SRBD1: variants seen among roughly 807,000 people sequenced by gnomAD.
SRBD1 encodes S1 RNA-binding domain-containing protein 1.
A neutral mutation model predicts 115.3 loss-of-function variants in SRBD1; 88 were observed. The observed-to-expected ratio is 0.76, with a 90% CI of 0.64 to 0.91. The LOEUF (loss-of-function observed/expected upper bound fraction) is 0.91, where lower values mean the gene tolerates loss of function less well. Among genes scored for constraint, SRBD1 ranks in the 40% least tolerant of loss-of-function variants. The probability of loss-of-function intolerance (pLI) is 0.00; values close to 1 mark genes in which losing one functional copy is unlikely to be tolerated. For missense variants in SRBD1, 1,385 were observed against 1,177.4 expected (o/e 1.18, Z -2.58); for synonymous variants, 509 against 407.7 (o/e 1.25, Z -2.99).
chr2:45,470,186 T>C (rs1341387742), intron 16 of SRBD1, among the ~76,000 whole-genome samples: 4 of 152,200 alleles, frequency 2.6e-5, no homozygotes, highest in Non-Finnish European at 5.9e-5. Flanking sequence ...AAAACTCCAT[T>C]TAATAATCTC....
At position 45,551,279 on chromosome 2, in the gene SRBD1, G is replaced by C. The variant is rs370589245; in HGVS notation, c.1521C>G (p.Ala507=). The change falls in exon 12 of 21, where the codon GCC becomes GCG. Residue 507 remains alanine (A), a synonymous_variant. Coordinates refer to ENST00000263736, the MANE Select transcript of SRBD1 (RefSeq NM_018079.5). The part of the protein sequence containing the change: ...IYPLLCREFR[A]KLTSDAEKES... ...CCTTCTCTGCATCTGATGTTAGTTT[G>C]GCTCTTTAGAAATAGAAGAAAAGAA... is the stretch of plus-strand genomic sequence containing the variant. The C allele has an allele frequency of 1.9e-6, 3 of 1,588,464 alleles. No homozygotes were observed. The highest frequency in any genetic ancestry group is 2.6e-6 in the Non-Finnish European group (3 of 1,174,292).
At chr2:45,605,827 C>T (rs573754889) in intron 1 of SRBD1, among the ~76,000 whole-genome samples, 2 of 151,342 alleles carry the variant, frequency 1.3e-5, no homozygotes, top group African/African-American at 4.9e-5. Flanking sequence ...TCACTTGAAC[C>T]CAGGAGGTGG....
At chr2:45,462,957 C>G (rs1234194716) in intron 16 of SRBD1, among the ~76,000 whole-genome samples, 1 of 147,996 alleles carries the variant, frequency 6.8e-6, no homozygotes, top group Non-Finnish European at 1.5e-5. Flanking sequence ...TCATTCTACA[C>G]GAATCCAGGA....
At chr2:45,393,392 G>T (rs953991148) in intron 19 of SRBD1, among the ~76,000 whole-genome samples, 3 of 152,040 alleles carry the variant, frequency 2.0e-5, no homozygotes, top group Non-Finnish European at 4.4e-5. Flanking sequence ...ACATTTTTTT[G>T]TTGTTGTTGA....
At position 45,579,994 on chromosome 2, in the gene SRBD1, C is replaced by G. The variant is rs767963749; in HGVS notation, c.953G>C (p.Gly318Ala). ...LEHVSAPYKT[G>A]SKGTKAQRAR... is the part of the protein sequence containing the mutation. ...TCTCTGGGCTTTAGTCCCTTTGCTTCCAGTTTTATATGGAGCAGACTAGAA... is the reference window on the plus strand; with the variant it reads ...TCTCTGGGCTTTAGTCCCTTTGCTTGCAGTTTTATATGGAGCAGACTAGAA... The change falls in exon 7 of 21, where the codon GGA becomes GCA. Residue 318 changes from glycine (G) to alanine (A), a missense_variant. Transcript: ENST00000263736. 1.4e-5 allele frequency: 23 copies of G among 1,587,364 alleles called. No homozygotes were observed. The Admixed American group carries it at 3.7e-4, about 26-fold the overall frequency.
At chr2:45,600,850 T>C (rs1408950791) in intron 3 of SRBD1, among the ~76,000 whole-genome samples, 1 of 152,240 alleles carries the variant, frequency 6.6e-6, no homozygotes, top group Non-Finnish European at 1.5e-5. Flanking sequence ...TCTTCTCTTT[T>C]ATCAAGTATT....
At chr2:45,466,792 T>C (rs188486770) in intron 16 of SRBD1, among the ~76,000 whole-genome samples, 10 of 152,318 alleles carry the variant, frequency 6.6e-5, no homozygotes, top group Admixed American at 4.6e-4. Flanking sequence ...TACACTGCAA[T>C]GTGCATTCAA....
chr2:45,550,423 A>G (rs771333431), intron 12 of SRBD1, among the ~76,000 whole-genome samples: 1 of 151,828 alleles, frequency 6.6e-6, no homozygotes, highest in Non-Finnish European at 1.5e-5. Flanking sequence ...GGAAAAGGAC[A>G]TATTACCTTC....
At chr2:45,554,151 C>A (rs1213751371) in intron 10 of SRBD1, among the ~76,000 whole-genome samples, 1 of 152,278 alleles carries the variant, frequency 6.6e-6, no homozygotes, top group East Asian at 1.9e-4. Flanking sequence ...AAGGGTGGGG[C>A]TCTCAGGATG....
At chr2:45,505,227 A>G (rs1186996494) in intron 14 of SRBD1, among the ~76,000 whole-genome samples, 1 of 152,192 alleles carries the variant, frequency 6.6e-6, no homozygotes, top group Non-Finnish European at 1.5e-5. Flanking sequence ...CAGCAAGTAA[A>G]GGTTCCAAAT....
chr2:45,532,600 A>C lies in SRBD1; in HGVS notation c.1874+14132T>G, dbSNP rs771123097. Among the ~76,000 whole-genome samples the C allele has an allele frequency of 7.2e-5, 11 of 151,776 alleles. 1 individual carries two copies. Among genetic ancestry groups the C allele is most frequent in the Non-Finnish European group, 1.6e-4 (11 of 67,832 alleles). ...TTAATCCCCCATGCCCTTGAAACCT[A>C]ATTATCATAATGTGAACCCAAATGT... On this transcript the variant is annotated intron_variant, in intron 14 of 20. Transcript: ENST00000263736.
At chr2:45,501,922 G>C (rs1670643462) in intron 14 of SRBD1, among the ~76,000 whole-genome samples, 1 of 152,216 alleles carries the variant, frequency 6.6e-6, no homozygotes, top group South Asian at 2.1e-4. Flanking sequence ...GTCCCTGTCT[G>C]ACAGCTTTGA....
intron 4 of SRBD1, among the ~76,000 whole-genome samples, chr2:45,597,475 T>C (rs1244238610): frequency 6.6e-6 from 1 of 151,306 alleles, no homozygotes; most frequent in African/African-American, 2.4e-5. Flanking sequence ...TTAGTCTACG[T>C]AACTAATAAA....
chr2:45,497,253 G>C (rs1247123171), intron 14 of SRBD1, among the ~76,000 whole-genome samples: 4 of 152,130 alleles, frequency 2.6e-5, no homozygotes, highest in Non-Finnish European at 5.9e-5. Context: ...CACAATCATA[G>C]AGCTTCTCAT....
At chr2:45,422,320 C>T (rs371344598) in intron 16 of SRBD1, among the ~76,000 whole-genome samples, 2 of 152,104 alleles carry the variant, frequency 1.3e-5, no homozygotes, top group African/African-American at 2.4e-5. Context: ...GAAGCCTGAC[C>T]GTGTGTCTAG....
chr2:45,596,988 TC>T (rs1558503247), intron 4 of SRBD1, among the ~76,000 whole-genome samples: 21,328 of 140,916 alleles, frequency 0.15, 3,553 homozygotes, highest in African/African-American at 0.43. Context: ...CCCACAACCC[TC>T]ACACACACAC....
chr2:45,564,602 T>G (rs149216118), intron 9 of SRBD1, among the ~76,000 whole-genome samples: 1 of 152,144 alleles, frequency 6.6e-6, no homozygotes, highest in East Asian at 1.9e-4. Context: ...ATACTAGCAA[T>G]AAACATTCTG....
At chr2:45,581,008 A>C (rs910019295) in intron 6 of SRBD1, among the ~76,000 whole-genome samples, 3 of 151,226 alleles carry the variant, frequency 2.0e-5, no homozygotes, top group South Asian at 2.1e-4. Context: ...TAATCCACTC[A>C]CTCTCCAACC....
At chr2:45,473,523 A>C (rs1669713991) in intron 16 of SRBD1, among the ~76,000 whole-genome samples, 3 of 152,214 alleles carry the variant, frequency 2.0e-5, no homozygotes, top group Admixed American at 2.0e-4. Flanking sequence ...TGAAACAATC[A>C]GAGAAGGTTC....
Sources: gnomAD v4.1 joint callset for allele counts (sites outside exome capture counted in the v4.1 genomes callset) on GRCh38, gnomAD v4.1.1 for gene constraint, MANE v1.5 for transcripts, NCBI Gene and HGNC (gene_info 2026-07-23, HGNC 2026-07-21) for gene names.